Variants in MDFIC2 observed in about 807,000 individuals in gnomAD.
MDFIC2 encodes the protein myoD family inhibitor domain-containing protein 2.
intron 2 of MDFIC2, among the ~76,000 whole-genome samples, chr3:70,218,276 A>T (rs1701433300): frequency 6.6e-6 from 1 of 152,198 alleles, no homozygotes; most frequent in South Asian, 2.1e-4. Flanking sequence ...TTTATAACGT[A>T]TAGTACAGTG....
chr3:70,226,334 A>G (rs1005710008), intron 2 of MDFIC2, among the ~76,000 whole-genome samples: 3 of 152,202 alleles, frequency 2.0e-5, no homozygotes, highest in African/African-American at 7.2e-5. Flanking sequence ...TGAGACGTAT[A>G]ACAGAGGCAC....
chr3:70,272,761 C>T (rs553543863), intron 2 of MDFIC2, among the ~76,000 whole-genome samples: 1 of 152,228 alleles, frequency 6.6e-6, no homozygotes, highest in Admixed American at 6.5e-5. Flanking sequence ...TCTAAATTCC[C>T]CTTGCTTTCT....
intron 2 of MDFIC2, among the ~76,000 whole-genome samples, chr3:70,292,234 A>G (rs1702245613): frequency 6.6e-6 from 1 of 152,140 alleles, no homozygotes; most frequent in African/African-American, 2.4e-5. Flanking sequence ...TGTTGTACAG[A>G]TTGAGTGGTA....
At chr3:70,309,033 C>T (rs1008600295) in intron 2 of MDFIC2, among the ~76,000 whole-genome samples, 1 of 152,110 alleles carries the variant, frequency 6.6e-6, no homozygotes, top group African/African-American at 2.4e-5. Context: ...GAGAAAAACA[C>T]TTTTTTGAAC....
At chr3:70,268,204 C>T (rs1199832488) in intron 2 of MDFIC2, among the ~76,000 whole-genome samples, 4 of 152,156 alleles carry the variant, frequency 2.6e-5, no homozygotes, top group Non-Finnish European at 5.9e-5. Context: ...GGCGCGGTAG[C>T]TCACGCCTGT....
chr3:70,302,594 C>T (rs752351095), intron 2 of MDFIC2: 1 of 152,138 alleles, frequency 6.6e-6, no homozygotes, highest in Non-Finnish European at 1.5e-5. Context: ...TTCTAGTTAT[C>T]TACAATTGTC....
intron 2 of MDFIC2, among the ~76,000 whole-genome samples, chr3:70,288,177 C>T (rs1702188496): frequency 1.4e-5 from 2 of 142,620 alleles, no homozygotes; most frequent in South Asian, 5.0e-4. Context: ...ATCTTTCCTG[C>T]TTTCTCTTGT....
chr3:70,217,173 G>A (rs182257738), intron 2 of MDFIC2, among the ~76,000 whole-genome samples: 1 of 152,208 alleles, frequency 6.6e-6, no homozygotes, highest in East Asian at 1.9e-4. Context: ...CCTAAAAGAG[G>A]ACCTGGGAGA....
At chr3:70,245,785 T>C (rs963465367) in intron 2 of MDFIC2, among the ~76,000 whole-genome samples, 1 of 146,270 alleles carries the variant, frequency 6.8e-6, no homozygotes, top group Non-Finnish European at 1.5e-5. Flanking sequence ...ATCATGAAGG[T>C]TGACAATTTA....
At chr3:70,288,673 A>G (rs975089690) in intron 2 of MDFIC2, among the ~76,000 whole-genome samples, 1 of 151,816 alleles carries the variant, frequency 6.6e-6, no homozygotes, top group Non-Finnish European at 1.5e-5. Flanking sequence ...AAAGTCTCCC[A>G]TTATTAATGT....
At chr3:70,224,563 G>A (rs978098677) in intron 2 of MDFIC2, among the ~76,000 whole-genome samples, 2 of 152,086 alleles carry the variant, frequency 1.3e-5, no homozygotes, top group African/African-American at 4.8e-5. Flanking sequence ...TATAATTTCC[G>A]CAATGCTCAC....
At chr3:70,289,505 T>C (rs1291803852) in intron 2 of MDFIC2, among the ~76,000 whole-genome samples, 1 of 149,484 alleles carries the variant, frequency 6.7e-6, no homozygotes. Context: ...TTTTCCTTCA[T>C]TTCAACTTTG....
At chr3:70,275,280 T>C (rs1702012611) in intron 2 of MDFIC2, among the ~76,000 whole-genome samples, 1 of 152,178 alleles carries the variant, frequency 6.6e-6, no homozygotes, top group African/African-American at 2.4e-5. Context: ...CTCAGCACTT[T>C]GGCAGGCCGA....
chr3:70,290,468 TCAGA>T (rs1426589264), intron 2 of MDFIC2, among the ~76,000 whole-genome samples: 1 of 152,222 alleles, frequency 6.6e-6, no homozygotes, highest in East Asian at 1.9e-4. Flanking sequence ...TTCAAAGCTG[TCAGA>T]CAGGGACATT....
At chr3:70,306,374 G>A (rs1235806126) in intron 2 of MDFIC2, among the ~76,000 whole-genome samples, 2 of 152,136 alleles carry the variant, frequency 1.3e-5, no homozygotes, top group African/African-American at 2.4e-5. Context: ...GCCTCCCAAA[G>A]TGCTGGGATT....
intron 2 of MDFIC2, among the ~76,000 whole-genome samples, chr3:70,208,118 A>G (rs1215800842): frequency 6.6e-6 from 1 of 152,086 alleles, no homozygotes; most frequent in East Asian, 1.9e-4. Context: ...GTTAGCTTAT[A>G]ACTTCCTTAC....
chr3:70,273,057 T>C (rs1200016426), intron 2 of MDFIC2, among the ~76,000 whole-genome samples: 4 of 152,206 alleles, frequency 2.6e-5, no homozygotes, highest in Non-Finnish European at 4.4e-5. Flanking sequence ...GCCTACCTGT[T>C]GTCAAGGGAA....
chr3:70,293,887 T>C (rs1702265128), intron 2 of MDFIC2, among the ~76,000 whole-genome samples: 1 of 152,096 alleles, frequency 6.6e-6, no homozygotes. Flanking sequence ...ATTTTTGTGT[T>C]ACATGTTGAA....
rs542766174 is a variant in MDFIC2 at position 70,259,076 on chromosome 3, T to C, written c.89-52286A>G. 4.6e-5 allele frequency among the ~76,000 whole-genome samples: 7 copies of C among 152,318 alleles called. No homozygotes were observed. The East Asian group carries it at 7.7e-4, about 17-fold the overall frequency. ...TGTGCTTATCAGGTCAGTTTGCTCA[T>C]TGAAATTATACGGTACCTCCTGCTA... On this transcript the variant is annotated intron_variant, in intron 2 of 3. Transcript: ENST00000567252.
Sources: gnomAD v4.1 joint callset for allele counts (sites outside exome capture counted in the v4.1 genomes callset) on GRCh38, gnomAD v4.1.1 for gene constraint, MANE v1.5 for transcripts, NCBI Gene and HGNC (gene_info 2026-07-23, HGNC 2026-07-21) for gene names.